Variants in PTPRD observed in about 807,000 individuals in gnomAD.
PTPRD encodes protein tyrosine phosphatase receptor type D, also known as receptor-type tyrosine-protein phosphatase delta.
PTPRD carries 34 observed loss-of-function variants against 214.5 expected under a neutral mutation model. The ratio of observed to expected loss-of-function variants is 0.16; its 90% confidence interval spans 0.12 to 0.21. The LOEUF (loss-of-function observed/expected upper bound fraction) is 0.21, where lower values mean the gene tolerates loss of function less well. Ranked by LOEUF, PTPRD falls within the 10% of genes least tolerant of loss-of-function variation. The pLI is 1.00. For synonymous variants in PTPRD, 1,128 were observed against 845.7 expected (o/e 1.33, Z -5.79); for missense variants, 2,545 against 2,398.7 (o/e 1.06, Z -1.27).
chr9:9,577,596 G>C, intron 7 of PTPRD, among the ~76,000 whole-genome samples: 2 of 151,932 alleles, frequency 1.3e-5, no homozygotes, highest in Middle Eastern at 6.8e-3. Context: ...ATAAAAAGGA[G>C]TTTATTTTAA....
chr9:8,786,260 T>C (rs2095960924), intron 11 of PTPRD, among the ~76,000 whole-genome samples: 1 of 152,164 alleles, frequency 6.6e-6, no homozygotes, highest in Non-Finnish European at 1.5e-5. Context: ...CAGTCAACAC[T>C]GAAATTGTTT....
At chr9:8,426,021 GCTC>G (rs1289765564) in intron 35 of PTPRD, among the ~76,000 whole-genome samples, 1 of 152,076 alleles carries the variant, frequency 6.6e-6, no homozygotes, top group Non-Finnish European at 1.5e-5. Context: ...CTTTCATAGA[GCTC>G]CTTTTTGGAA....
chr9:8,510,656 T>G (rs1276298278), intron 21 of PTPRD, among the ~76,000 whole-genome samples: 2 of 152,222 alleles, frequency 1.3e-5, no homozygotes, highest in African/African-American at 4.8e-5. Flanking sequence ...TAAACTTTCA[T>G]GATCTCAGGC....
chr9:9,830,963 T>G (rs2054629130), intron 5 of PTPRD, among the ~76,000 whole-genome samples: 1 of 151,914 alleles, frequency 6.6e-6, no homozygotes, highest in Admixed American at 6.6e-5. Context: ...AACTCTGGAT[T>G]TGTTAGCTGA....
chr9:9,664,387 T>C (rs938347927), intron 7 of PTPRD, among the ~76,000 whole-genome samples: 1 of 151,658 alleles, frequency 6.6e-6, no homozygotes, highest in Non-Finnish European at 1.5e-5. Context: ...TAAGAATCAC[T>C]TCTCTTCTCA....
At chr9:8,808,070 T>C (rs1013781028) in intron 11 of PTPRD, among the ~76,000 whole-genome samples, 1 of 152,196 alleles carries the variant, frequency 6.6e-6, no homozygotes, top group African/African-American at 2.4e-5. Context: ...CCCCAATTGA[T>C]TTCCCCCTGC....
rs557685630 is a variant in PTPRD at position 10,032,381 on chromosome 9, G to A, written c.-472+1337C>T. ...GATGTGTGCCAACAGATGGCAACTTGCCAAGATATCTTTGGAGATATTCTA... is the reference window on the plus strand; with the variant it reads ...GATGTGTGCCAACAGATGGCAACTTACCAAGATATCTTTGGAGATATTCTA... On this transcript the variant is annotated intron_variant, in intron 4 of 45. Coordinates refer to ENST00000381196, the MANE Select transcript of PTPRD (RefSeq NM_002839.4). Among the ~76,000 whole-genome samples the A allele has an allele frequency of 2.6e-5, 4 of 152,254 alleles. No homozygotes were observed. In the East Asian group the frequency reaches 7.7e-4, roughly 29 times the overall value.
intron 5 of PTPRD, among the ~76,000 whole-genome samples, chr9:9,774,704 A>G (rs1184145703): frequency 6.6e-6 from 1 of 152,220 alleles, no homozygotes; most frequent in African/African-American, 2.4e-5. Context: ...ATTCATATAG[A>G]AGCCTTGAGG....
chr9:8,900,679 G>A (rs1352396411), intron 11 of PTPRD, among the ~76,000 whole-genome samples: 15 of 152,072 alleles, frequency 9.9e-5, no homozygotes, highest in Non-Finnish European at 7.4e-5. Context: ...AGTGACATAA[G>A]GTCTTTCTGT....
chr9:9,214,834 T>A (rs533099895), intron 9 of PTPRD, among the ~76,000 whole-genome samples: 74 of 152,278 alleles, frequency 4.9e-4, no homozygotes, highest in Non-Finnish European at 9.1e-4. Context: ...AGCAAGCCTG[T>A]GTGATATGTA....
chr9:8,538,261 G>A (rs906984777), intron 14 of PTPRD, among the ~76,000 whole-genome samples: 1 of 151,412 alleles, frequency 6.6e-6, no homozygotes. Flanking sequence ...TTACCGAAAT[G>A]TATATTTAAA....
chr9:8,868,083 C>G (rs942036153), intron 11 of PTPRD, among the ~76,000 whole-genome samples: 1 of 152,144 alleles, frequency 6.6e-6, no homozygotes, highest in Non-Finnish European at 1.5e-5. Flanking sequence ...TGATGGTTCA[C>G]CACCCTGGTT....
intron 3 of PTPRD, among the ~76,000 whole-genome samples, chr9:10,212,261 G>T (rs746375830): frequency 1.3e-5 from 2 of 152,070 alleles, no homozygotes; most frequent in Non-Finnish European, 2.9e-5. Context: ...TAGGATGGAA[G>T]AAGGAGACCA....
At chr9:8,861,340 G>A (rs563622098) in intron 11 of PTPRD, 2 of 152,304 alleles carry the variant, frequency 1.3e-5, no homozygotes, top group South Asian at 4.1e-4. Flanking sequence ...TATGTGGGTT[G>A]CGAATCTAGT....
intron 10 of PTPRD, among the ~76,000 whole-genome samples, chr9:9,047,605 T>C (rs1235643639): frequency 6.6e-6 from 1 of 152,016 alleles, no homozygotes; most frequent in African/African-American, 2.4e-5. Flanking sequence ...AAACCTACAG[T>C]GAACTCATTT....
intron 5 of PTPRD, among the ~76,000 whole-genome samples, chr9:9,800,846 G>A (rs149372307): frequency 1.8e-3 from 270 of 152,276 alleles, no homozygotes; most frequent in African/African-American, 6.1e-3. Context: ...TTTAAAGCTT[G>A]TAAAACAACA....
At chr9:9,287,630 C>G (rs1389440728) in intron 9 of PTPRD, among the ~76,000 whole-genome samples, 1 of 151,868 alleles carries the variant, frequency 6.6e-6, no homozygotes, top group Non-Finnish European at 1.5e-5. Flanking sequence ...AAGCATAAAT[C>G]ATACTAATGA....
intron 11 of PTPRD, among the ~76,000 whole-genome samples, chr9:8,854,737 T>G (rs2154543873): frequency 6.6e-6 from 1 of 152,310 alleles, no homozygotes; most frequent in South Asian, 2.1e-4. Context: ...AGCCTCAGAT[T>G]TTCTTTCCAT....
intron 11 of PTPRD, among the ~76,000 whole-genome samples, chr9:9,008,986 A>G (rs1430291405): frequency 6.6e-6 from 1 of 152,204 alleles, no homozygotes; most frequent in African/African-American, 2.4e-5. Flanking sequence ...ATGAAGAACT[A>G]AAGTAGTGTT....
Sources: allele counts gnomAD v4.1 joint callset (sites outside exome capture counted in the v4.1 genomes callset), GRCh38; gene constraint gnomAD v4.1.1; transcripts MANE v1.5; gene names NCBI Gene and HGNC (gene_info 2026-07-23, HGNC 2026-07-21).